The following DOCK9 variants were observed in gnomAD, a reference collection of about 807,000 sequenced individuals.
The protein encoded by DOCK9 is dedicator of cytokinesis 9, also known as dedicator of cytokinesis protein 9.
DOCK9 carries 89 observed loss-of-function variants against 263.3 expected under a neutral mutation model. The ratio of observed to expected loss-of-function variants is 0.34; its 90% CI spans 0.28 to 0.40. The LOEUF (loss-of-function observed/expected upper bound fraction) is 0.40, where lower values mean the gene tolerates loss of function less well. Ranked by LOEUF, DOCK9 falls within the 10% of genes least tolerant of loss-of-function variation. DOCK9 has a pLI of 1.00. For synonymous variants in DOCK9, 976 were observed against 973.1 expected (o/e 1.00, Z -0.06); for missense variants, 2,140 against 2,603.4 (o/e 0.82, Z 3.87).
chr13:99,086,152 G>A, intron 1 of DOCK9: 4 of 1,400,436 alleles, frequency 2.9e-6, no homozygotes, highest in East Asian at 3.1e-5. Context: ...ACTAAGAGGC[G>A]CCCGGCCCGG....
At chr13:98,860,877 C>T (rs111343601) in intron 32 of DOCK9, among the ~76,000 whole-genome samples, 1 of 152,188 alleles carries the variant, frequency 6.6e-6, no homozygotes, top group Non-Finnish European at 1.5e-5. Flanking sequence ...TCAGAGAAAG[C>T]CTCCCCTGCT....
chr13:99,014,645 C>T (rs1454425164), intron 1 of DOCK9, among the ~76,000 whole-genome samples: 1 of 152,166 alleles, frequency 6.6e-6, no homozygotes, highest in Non-Finnish European at 1.5e-5. Context: ...CAGCTGCTGG[C>T]AAGACACACA....
chr13:99,007,548 T>A (rs1015466631), intron 1 of DOCK9, among the ~76,000 whole-genome samples: 2 of 152,214 alleles, frequency 1.3e-5, no homozygotes, highest in Non-Finnish European at 2.9e-5. Flanking sequence ...CTGCTGCTGC[T>A]CTTTACTTCT....
intron 9 of DOCK9, among the ~76,000 whole-genome samples, chr13:98,906,069 G>T (rs1488521952): frequency 1.3e-5 from 2 of 152,114 alleles, no homozygotes; most frequent in African/African-American, 4.8e-5. Flanking sequence ...AAACAAATCT[G>T]CCAAAAAGAT....
intron 15 of DOCK9, among the ~76,000 whole-genome samples, chr13:98,896,921 G>C (rs2047526105): frequency 6.6e-6 from 1 of 152,164 alleles, no homozygotes; most frequent in Admixed American, 6.5e-5. Context: ...CACTAGGCTT[G>C]GCCCTGATGC....
At chr13:98,956,348 T>C (rs1320750571) in intron 1 of DOCK9, among the ~76,000 whole-genome samples, 4 of 152,222 alleles carry the variant, frequency 2.6e-5, no homozygotes, top group African/African-American at 7.2e-5. Context: ...GCTTTCCACA[T>C]GCGAGGCATT....
chr13:98,811,883 T>C (rs374857459), intron 45 of DOCK9, among the ~76,000 whole-genome samples: 1 of 152,222 alleles, frequency 6.6e-6, no homozygotes, highest in Non-Finnish European at 1.5e-5. Context: ...AGCTTTATAG[T>C]TTTACATTTT....
At chr13:99,010,486 G>A (rs1026347968) in intron 1 of DOCK9, among the ~76,000 whole-genome samples, 4 of 152,136 alleles carry the variant, frequency 2.6e-5, no homozygotes, top group East Asian at 1.9e-4. Context: ...ATGTGTCAGC[G>A]TCCCCATCAT....
chr13:98,999,353 G>T (rs556604818), intron 1 of DOCK9, among the ~76,000 whole-genome samples: 1 of 141,946 alleles, frequency 7.0e-6, no homozygotes, highest in Non-Finnish European at 1.6e-5. Context: ...TGACTAATGA[G>T]AGGATACCAA....
At chr13:98,858,672 G>A (rs1357532573) in intron 33 of DOCK9, 1 of 152,202 alleles carries the variant, frequency 6.6e-6, no homozygotes, top group East Asian at 1.9e-4. Flanking sequence ...TAAGCCTGTC[G>A]AGGTGAATTC....
At chr13:98,946,498 G>A (rs757575888) in intron 2 of DOCK9, among the ~76,000 whole-genome samples, 6 of 151,944 alleles carry the variant, frequency 3.9e-5, no homozygotes, top group Admixed American at 6.6e-5. Flanking sequence ...TTCTCAATAC[G>A]CAATGCTCTC....
rs1460828647 is a variant in DOCK9, at chr13:98,884,987, T to C, written c.2366A>G (p.Glu789Gly). ...NLPSGYLGYQELGMGRHYGPE... is the reference protein window; with the variant it reads ...NLPSGYLGYQGLGMGRHYGPE... ...GGGACATACCCTGCCCATCCCAAGCTCCTGGTAGCCAAGATAGCCCGAAGG... is the reference window on the plus strand; with the variant it reads ...GGGACATACCCTGCCCATCCCAAGCCCCTGGTAGCCAAGATAGCCCGAAGG... Residue 789 changes from glutamate to glycine, a missense_variant, in exon 21 of 53, where the codon GAG (glutamate) becomes GGG (glycine). This residue lies in a region of DOCK9 where 1,521 missense variants were observed against 1,741.7 expected (regional missense o/e 0.87). Coordinates refer to ENST00000682017, the MANE Select transcript of DOCK9 (RefSeq NM_001366683.2). 6.2e-7 allele frequency: 1 copy of C among 1,613,578 alleles called. No individual in the cohort carries two copies. Among genetic ancestry groups the C allele is most frequent in the Non-Finnish European group, 8.5e-7 (1 of 1,179,748 alleles).
intron 1 of DOCK9, among the ~76,000 whole-genome samples, chr13:99,043,070 C>A (rs977454911): frequency 6.6e-6 from 1 of 152,166 alleles, no homozygotes. Context: ...GACACAGTCC[C>A]TTCTGAGTGG....
At chr13:98,880,518 T>C (rs1339880450) in intron 26 of DOCK9, 29 bp downstream of exon 26, 22 of 1,613,218 alleles carry the variant, frequency 1.4e-5, no homozygotes, top group Non-Finnish European at 1.8e-5. Context: ...TCAGTTTCAA[T>C]CAGAGCCACA....
intron 1 of DOCK9, among the ~76,000 whole-genome samples, chr13:99,041,480 C>CAA (rs11411001): frequency 0.032 from 4,361 of 137,148 alleles, 173 homozygotes; most frequent in African/African-American, 0.1. Flanking sequence ...AAGACTGTCT[C>CAA]AAAAAAAAAA....
At chr13:98,816,298 T>C (rs1285206811) in intron 45 of DOCK9, among the ~76,000 whole-genome samples, 1 of 152,118 alleles carries the variant, frequency 6.6e-6, no homozygotes, top group African/African-American at 2.4e-5. Context: ...ACTGATGTAC[T>C]AGAGACTCAA....
In DOCK9 at chr13:98,885,085, GTAGC is replaced by G; in HGVS notation, c.2264_2267del (p.Gly755AlafsTer7). The G allele has an allele frequency of 6.2e-7, 1 of 1,613,582 alleles. No individual in the cohort carries two copies. Among genetic ancestry groups the G allele is most frequent in the South Asian group, 1.1e-5 (1 of 90,966 alleles). On this transcript the variant is annotated frameshift_variant, in exon 21 of 53. Transcript: ENST00000682017. LOFTEE classifies it high-confidence loss of function. ...CGTCTTTCAGGAGGGGAAGCCAGGA[GTAGC>G]CAACTGTTGAAAACAAAGAACAACA... is the stretch of plus-strand genomic sequence containing the variant.
chr13:98,903,064 T>C lies in DOCK9; in HGVS notation c.1084A>G (p.Lys362Glu). The change falls in exon 11 of 53, where the codon AAG (lysine) becomes GAG (glutamate). Residue 362 changes from lysine (K) to glutamate (E), a missense_variant. Lys to Glu is a moderately conservative substitution (Grantham distance 56). Around this residue, in one of 2 missense-constraint regions of DOCK9, gnomAD observed 1,521 missense variants for 1,741.7 expected, o/e 0.87. Transcript: ENST00000682017. ...TTGACAAGGATCCTTTTTCCAAACT[T>C]CTCTTCAAATGACTTCACTTCTGGC... ...AEPEVKSFEEKFGKRILVKCN... is the reference protein window; with the variant it reads ...AEPEVKSFEEEFGKRILVKCN... 6.5e-7 allele frequency: 1 copy of C among 1,534,596 alleles called. No homozygotes were observed. The highest frequency in any genetic ancestry group is 1.7e-4 in the Middle Eastern group (1 of 5,946).
At chr13:98,979,183 G>A (rs1170170724), upstream of DOCK9, among the ~76,000 whole-genome samples, 1 of 89,140 alleles carries the variant, frequency 1.1e-5, no homozygotes, top group Non-Finnish European at 1.9e-5. Context: ...AGCAGCAATA[G>A]TAGTAGTAGT....
Sources: allele counts gnomAD v4.1 joint callset (sites outside exome capture counted in the v4.1 genomes callset), GRCh38; gene constraint gnomAD v4.1.1; regional missense constraint gnomAD v4.1.1; transcripts MANE v1.5; gene names NCBI Gene and HGNC (gene_info 2026-07-23, HGNC 2026-07-21).